HEXIM2: variants seen among roughly 807,000 people sequenced by gnomAD.
HEXIM2 encodes protein HEXIM2.
For missense variants in HEXIM2, 413 were observed against 390.8 expected (o/e 1.06, Z -0.48); for synonymous variants, 159 against 162.7 (o/e 0.98, Z 0.17).
Position 45,169,688 on chromosome 17 carries a change from G to T in HEXIM2, c.740G>T (p.Arg247Leu). 3.9e-6 allele frequency: 6 copies of T among 1,530,568 alleles called. No individual in the cohort carries two copies. In the South Asian group the frequency reaches 4.8e-5, roughly 12 times the overall value. The allele number at this position is 1,530,568 out of a possible 1,614,324, so 94.8% of individuals were successfully genotyped here. Reference sequence around the variant, plus strand: ...GCGTGCACCGGCCAGCAGTCCTGCCGCCAGGTGGAGGAGCTGGCTGCCGAG... The same window carrying T: ...GCGTGCACCGGCCAGCAGTCCTGCCTCCAGGTGGAGGAGCTGGCTGCCGAG... ...LQACTGQQSC[R>L]QVEELAAEVQ... The change falls in exon 4 of 4, where the codon CGC becomes CTC. Residue 247 changes from arginine (R) to leucine (L), a missense_variant. Coordinates refer to ENST00000589230, the MANE Select transcript of HEXIM2 (RefSeq NM_001303441.2).
chr17:45,166,376 C>T (rs528506229), intron 3 of HEXIM2, among the ~76,000 whole-genome samples: 1 of 152,204 alleles, frequency 6.6e-6, no homozygotes, highest in East Asian at 1.9e-4. Flanking sequence ...ATCCACCCTC[C>T]TTGGCCTCCC....
intron 3 of HEXIM2, chr17:45,168,763 A>G: frequency 4.0e-6 from 2 of 502,626 alleles, no homozygotes; most frequent in Non-Finnish European, 7.1e-6. Context: ...GTATTATTCT[A>G]GGCATTGAAA....
intron 3 of HEXIM2, among the ~76,000 whole-genome samples, chr17:45,166,619 CTG>C (rs1229301399): frequency 6.6e-6 from 1 of 152,140 alleles, no homozygotes; most frequent in Admixed American, 6.6e-5. Context: ...TATGTGCTAA[CTG>C]TGTGATGTGA....
Position 45,169,916 on chromosome 17 carries a change from C to T in HEXIM2, c.*107C>T. 2 of 889,870 alleles carry T rather than the reference C, an allele frequency of 2.2e-6. No individual in the cohort carries two copies. Among genetic ancestry groups the T allele is most frequent in the South Asian group, 4.4e-5 (2 of 45,180 alleles). 55.1% of individuals were successfully genotyped at this position (889,870 alleles called of 1,614,324 possible). A position where few individuals can be genotyped will look rare whatever the true frequency, so the allele number is the denominator to read the frequency against. ...TGGCAGATGAAAACCACCGTCAACACCCTGTGCGCCCTGAGAACAGCTAAA... is the reference window on the plus strand; with the variant it reads ...TGGCAGATGAAAACCACCGTCAACATCCTGTGCGCCCTGAGAACAGCTAAA... On this transcript the variant is annotated 3_prime_UTR_variant, in exon 4 of 4. Coordinates refer to ENST00000589230, the MANE Select transcript of HEXIM2 (RefSeq NM_001303441.2).
chr17:45,166,626 A>T (rs902536744), intron 3 of HEXIM2, among the ~76,000 whole-genome samples: 9 of 152,194 alleles, frequency 5.9e-5, no homozygotes, highest in African/African-American at 2.2e-4. Context: ...TAACTGTGTG[A>T]TGTGATAGAA....
In HEXIM2 at chr17:45,169,040, A is replaced by G. The variant is rs768996427; in HGVS notation, c.92A>G (p.Gln31Arg). 3.1e-6 allele frequency: 5 copies of G among 1,612,526 alleles called. No individual in the cohort carries two copies. The highest frequency in any genetic ancestry group is 4.2e-6 in the Non-Finnish European group (5 of 1,179,050). ...AKTSGAPGSP[Q>R]TPPERHDSGG... Reference sequence around the variant, plus strand: ...ACCTCTGGTGCCCCGGGGAGCCCCCAAACACCCCCTGAGCGTCATGACTCT... The same window carrying G: ...ACCTCTGGTGCCCCGGGGAGCCCCCGAACACCCCCTGAGCGTCATGACTCT... Residue 31 changes from glutamine (Q) to arginine (R), a missense_variant, in exon 4 of 4, where the codon CAA (glutamine) becomes CGA (arginine). Physicochemically the swap from Gln to Arg is conservative, Grantham distance 43. Transcript: ENST00000589230.
chr17:45,160,391 TCTGA>T (rs756089481), upstream of HEXIM2, among the ~76,000 whole-genome samples: 61 of 152,094 alleles, frequency 4.0e-4, 1 homozygote, highest in Non-Finnish European at 7.8e-4. Flanking sequence ...CACAAAATAC[TCTGA>T]CTTTGTTTAG....
intron 3 of HEXIM2, among the ~76,000 whole-genome samples, chr17:45,165,497 A>G (rs2042817160): frequency 6.6e-6 from 1 of 152,028 alleles, no homozygotes; most frequent in African/African-American, 2.4e-5. Flanking sequence ...AATTGCCCAA[A>G]CCACAAACTT....
intron 3 of HEXIM2, among the ~76,000 whole-genome samples, chr17:45,164,034 A>C (rs1236009273): frequency 6.6e-6 from 1 of 151,970 alleles, no homozygotes; most frequent in Non-Finnish European, 1.5e-5. Flanking sequence ...AGGCGGCTGT[A>C]ATCCCAGCGA....
At chr17:45,168,376 G>C (rs1018850737) in intron 3 of HEXIM2, among the ~76,000 whole-genome samples, 1 of 151,698 alleles carries the variant, frequency 6.6e-6, no homozygotes, top group Non-Finnish European at 1.5e-5. Context: ...CCAGCTACGC[G>C]GGAGGCTGAG....
intron 3 of HEXIM2, among the ~76,000 whole-genome samples, chr17:45,165,285 A>T (rs1017331940): frequency 2.0e-5 from 3 of 152,068 alleles, no homozygotes; most frequent in Admixed American, 2.0e-4. Context: ...CCCCACACAC[A>T]TACACACCCT....
chr17:45,165,349 C>T (rs1412980282), intron 3 of HEXIM2, among the ~76,000 whole-genome samples: 1 of 152,162 alleles, frequency 6.6e-6, no homozygotes, highest in Non-Finnish European at 1.5e-5. Flanking sequence ...ACACACATGA[C>T]ATATGCCTGG....
intron 3 of HEXIM2, 53 bp downstream of exon 3, chr17:45,162,912 C>A: frequency 1.7e-6 from 2 of 1,201,988 alleles, no homozygotes; most frequent in Non-Finnish European, 2.5e-6. Context: ...GGTCCCACAG[C>A]TGAGATCCAA....
At chr17:45,165,489 T>C (rs375988754) in intron 3 of HEXIM2, among the ~76,000 whole-genome samples, 6 of 152,122 alleles carry the variant, frequency 3.9e-5, no homozygotes, top group African/African-American at 1.2e-4. Context: ...TTATTAGAAA[T>C]TGCCCAAACC....
At chr17:45,161,145 G>A (rs1007712894), upstream of HEXIM2, 5 of 387,090 alleles carry the variant, frequency 1.3e-5, no homozygotes, top group Admixed American at 6.4e-5. Flanking sequence ...GGTGGGGAGG[G>A]AAGCTGGCAG....
At chr17:45,162,892 C>T in intron 3 of HEXIM2, 33 bp downstream of exon 3, 1 of 1,396,222 alleles carries the variant, frequency 7.2e-7, no homozygotes, top group Non-Finnish European at 1.0e-6. Flanking sequence ...ACCCAAGCAC[C>T]ACGAGCACGG....
At chr17:45,161,087 G>A (rs1005382754), upstream of HEXIM2, 34 of 577,294 alleles carry the variant, frequency 5.9e-5, no homozygotes, top group Non-Finnish European at 8.5e-5. Context: ...CAGTCGAAGT[G>A]GGAGTCCCTC....
rs1598136978 is a variant in HEXIM2, at chr17:45,165,344, CAT to C, written c.66+2486_66+2487del. The stretch of plus-strand genomic sequence containing the variant: ...TTCTCTTCGGGGTCTGCAAAACACA[CAT>C]GACATATGCCTGGCTCTTAAGGGCC... On this transcript the variant is annotated intron_variant, in intron 3 of 3. Transcript: ENST00000589230. 2.0e-5 allele frequency among the ~76,000 whole-genome samples: 3 copies of C among 152,170 alleles called. No homozygotes were observed. In the East Asian group the frequency reaches 5.8e-4, roughly 29 times the overall value.
intron 3 of HEXIM2, among the ~76,000 whole-genome samples, chr17:45,164,246 A>G (rs2042780382): frequency 6.6e-6 from 1 of 152,146 alleles, no homozygotes; most frequent in Admixed American, 6.5e-5. Context: ...ACCTGAGGTC[A>G]CGAGTTCGAG....
Sources: allele counts gnomAD v4.1 joint callset (sites outside exome capture counted in the v4.1 genomes callset), GRCh38; gene constraint gnomAD v4.1.1; transcripts MANE v1.5; gene names NCBI Gene and HGNC (gene_info 2026-07-23, HGNC 2026-07-21).